Variants in PIWIL1 observed in about 807,000 individuals in gnomAD.
PIWIL1 encodes the protein piwi-like protein 1.
In PIWIL1, 73 loss-of-function variants were observed where a neutral mutation model predicts 114.4. The observed-to-expected ratio is 0.64, with a 90% confidence interval of 0.53 to 0.78. The LOEUF is 0.78. Among genes scored for constraint, PIWIL1 ranks in the 30% least tolerant of loss-of-function variants. The probability of loss-of-function intolerance (pLI) is 0.00; values close to 1 mark genes in which losing one functional copy is unlikely to be tolerated. For missense variants in PIWIL1, 723 were observed against 1,063.1 expected, an observed-to-expected ratio of 0.68 and a Z score of 4.45; for synonymous variants, 375 against 369.0, an observed-to-expected ratio of 1.02 and a Z score of -0.19.
Position 130,349,958 on chromosome 12 carries a change from C to G in PIWIL1, c.1035C>G (p.Tyr345Ter), listed in dbSNP as rs181529291. 6.3e-7 allele frequency: 1 copy of G among 1,593,852 alleles called. No individual in the cohort carries two copies. The highest frequency in any genetic ancestry group is 8.6e-7 in the Non-Finnish European group (1 of 1,165,346). The change falls in exon 9 of 21, where the codon TAC becomes TAG. Residue 345 changes from tyrosine (Y) to a stop codon, truncating the protein, a stop_gained. Coordinates refer to ENST00000245255, the MANE Select transcript of PIWIL1 (RefSeq NM_004764.5). LOFTEE classifies it high-confidence loss of function. The part of the protein sequence containing the change: ...ADGSEVSFLE[Y>*]YRKQYNQEIT... ...GCTCTGAAGTCAGCTTCTTAGAATA[C>G]TACAGGAAGGTAAGATGCCAGTGGT... is the stretch of plus-strand genomic sequence containing the variant.
chr12:130,342,647 C>G lies in PIWIL1; in HGVS notation c.56C>G (p.Ala19Gly). 6.2e-7 allele frequency: 1 copy of G among 1,613,446 alleles called. No homozygotes were observed. Among genetic ancestry groups the G allele is most frequent in the Non-Finnish European group, 8.5e-7 (1 of 1,179,520 alleles). ...ARGRARGQETAQLVGSTASQQ... is the reference protein window; with the variant it reads ...ARGRARGQETGQLVGSTASQQ... ...GGAAGGGCCCGCGGTCAGGAGACAG[C>G]GCAGCTGGTGGGCTCCACTGCCGTG... Residue 19 changes from alanine (A) to glycine (G), a missense_variant, in exon 2 of 21, where the codon GCG (alanine) becomes GGG (glycine). Ala to Gly is a moderately conservative substitution (Grantham distance 60). This residue lies in a region of PIWIL1 where 91 missense variants were observed against 76.2 expected (regional missense o/e 1.19). Transcript: ENST00000245255.
chr12:130,394,632 G>A, the PIWIL1 span, among the ~76,000 whole-genome samples: 7,510 of 150,130 alleles, frequency 0.05, 321 homozygotes, highest in East Asian at 0.2. Context: ...AAAAAGTACC[G>A]TAGAAATTTC....
the PIWIL1 span, chr12:130,412,875 G>A: frequency 2.4e-5 from 29 of 1,208,100 alleles, no homozygotes; most frequent in Admixed American, 8.1e-5. Context: ...GAGTGTAGTC[G>A]AAAATATATT....
rs2073051862 is a variant in PIWIL1, at chr12:130,345,709, T to C, written c.191-44T>C. On this transcript the variant is annotated intron_variant, in intron 3 of 20. Transcript: ENST00000245255. ...TATGGGAGTTAATATTGTCATCCTT[T>C]ATTTCGTGCTTTATGTTGCTCAAGT... 5 of 1,608,988 alleles carry C rather than the reference T, an allele frequency of 3.1e-6. No individual in the cohort carries two copies. The East Asian group carries it at 1.1e-4, about 36-fold the overall frequency.
chr12:130,424,186 CAGCT>C, the PIWIL1 span: 1 of 1,232,122 alleles, frequency 8.1e-7, no homozygotes, highest in Non-Finnish European at 1.0e-6. This position sits in a 1 kb window ranked among gnomAD's most constrained non-coding sequence, Gnocchi z 9.8. Flanking sequence ...GCGTGGGGGG[CAGCT>C]GCCCTACTGT....
chr12:130,408,464 GT>G, the PIWIL1 span, among the ~76,000 whole-genome samples: 1 of 152,332 alleles, frequency 6.6e-6, no homozygotes. Context: ...CGACTTAGAG[GT>G]GCATTCCCAC....
At chr12:130,387,775 C>T in the PIWIL1 span, among the ~76,000 whole-genome samples, 1 of 152,362 alleles carries the variant, frequency 6.6e-6, no homozygotes, top group South Asian at 2.1e-4. Flanking sequence ...TTATCATTCC[C>T]TTGCCTGTTG....
chr12:130,345,143 G>A (rs1043578581), intron 3 of PIWIL1, among the ~76,000 whole-genome samples: 1 of 152,324 alleles, frequency 6.6e-6, no homozygotes, highest in African/African-American at 2.4e-5. Context: ...ACCACAGCTT[G>A]TAGCACTAAG....
the PIWIL1 span, among the ~76,000 whole-genome samples, chr12:130,391,348 T>C: frequency 2.0e-5 from 3 of 152,174 alleles, no homozygotes; most frequent in African/African-American, 4.8e-5. Flanking sequence ...TCACAGTGTG[T>C]GGAGATTACG....
At chr12:130,420,072 G>T in the PIWIL1 span, among the ~76,000 whole-genome samples, 1 of 152,106 alleles carries the variant, frequency 6.6e-6, no homozygotes, top group African/African-American at 2.4e-5. This position sits in a 1 kb window ranked among gnomAD's most constrained non-coding sequence, Gnocchi z 4.3. Flanking sequence ...CTAAAATATT[G>T]TTTTCTAGTA....
chr12:130,403,334 A>G, the PIWIL1 span, among the ~76,000 whole-genome samples: 199 of 152,332 alleles, frequency 1.3e-3, no homozygotes, highest in Non-Finnish European at 2.4e-3. Flanking sequence ...TTTCATATTA[A>G]TTTAGATCTG....
the PIWIL1 span, chr12:130,399,607 G>C: frequency 6.5e-7 from 1 of 1,537,828 alleles, no homozygotes. Flanking sequence ...AAAAATATCA[G>C]TGCAAAGATT....
chr12:130,339,267 C>T (rs2072828747), intron 1 of PIWIL1, among the ~76,000 whole-genome samples: 1 of 152,110 alleles, frequency 6.6e-6, no homozygotes, highest in Non-Finnish European at 1.5e-5. Context: ...GGCGGCGGGG[C>T]GGTGGCGTCC....
At chr12:130,415,203 A>G in the PIWIL1 span, among the ~76,000 whole-genome samples, 1 of 152,250 alleles carries the variant, frequency 6.6e-6, no homozygotes, top group South Asian at 2.1e-4. Flanking sequence ...ACAATTCACC[A>G]TGATCAAGTA....
the PIWIL1 span, chr12:130,399,200 A>G: frequency 4.4e-6 from 5 of 1,144,502 alleles, no homozygotes; most frequent in East Asian, 1.3e-4. Flanking sequence ...AAAAATATAT[A>G]TATAAAAATA....
At chr12:130,364,642 A>G (rs1264861097) in intron 18 of PIWIL1, among the ~76,000 whole-genome samples, 1 of 152,202 alleles carries the variant, frequency 6.6e-6, no homozygotes, top group Admixed American at 6.5e-5. Context: ...TATTTTGTCA[A>G]ATAATGATAC....
the PIWIL1 span, chr12:130,424,255 G>T: frequency 8.1e-7 from 1 of 1,231,768 alleles, no homozygotes. The surrounding 1 kb of genome is among the most constrained non-coding windows in gnomAD (Gnocchi z 9.8). Flanking sequence ...TGCTCGGTGG[G>T]CTCGCCCCAG....
chr12:130,421,691 A>ATGTGTGTGTGTGTG, the PIWIL1 span, among the ~76,000 whole-genome samples: 1,556 of 147,272 alleles, frequency 0.011, 26 homozygotes, highest in African/African-American at 0.025. Flanking sequence ...CTGCATTTAT[A>ATGTGTGTGTGTGTG]TGTGTGTGTG....
the PIWIL1 span, chr12:130,421,078 T>A: frequency 2.0e-4 from 31 of 152,218 alleles, no homozygotes; most frequent in African/African-American, 6.7e-4. Flanking sequence ...ATTGGCCTTT[T>A]CCCCACATCG....
Sources: allele counts gnomAD v4.1 joint callset (sites outside exome capture counted in the v4.1 genomes callset), GRCh38; gene constraint gnomAD v4.1.1; regional missense constraint gnomAD v4.1.1; non-coding constraint Gnocchi (gnomAD v3.1); transcripts MANE v1.5; gene names NCBI Gene and HGNC (gene_info 2026-07-23, HGNC 2026-07-21).